Variants in CADPS observed in about 807,000 individuals in gnomAD.
CADPS encodes the protein calcium-dependent secretion activator 1.
In CADPS, 57 loss-of-function variants were observed where a neutral mutation model predicts 167.3. The ratio of observed to expected loss-of-function variants is 0.34; its 90% CI spans 0.28 to 0.42. The LOEUF is 0.42. Ranked by LOEUF, CADPS falls within the 20% of genes least tolerant of loss-of-function variation. The probability of loss-of-function intolerance (pLI) is 1.00; values close to 1 mark genes in which losing one functional copy is unlikely to be tolerated. For synonymous variants in CADPS, 676 were observed against 635.3 expected (o/e 1.06, Z -0.96); for missense variants, 1,414 against 1,738.1 (o/e 0.81, Z 3.32).
intron 3 of CADPS, among the ~76,000 whole-genome samples, chr3:62,718,496 T>C (rs2075116987): frequency 6.6e-6 from 1 of 152,208 alleles, no homozygotes; most frequent in Admixed American, 6.5e-5. Context: ...TCTAAGCTTC[T>C]TGTCTTCTGT....
chr3:62,758,102 C>T (rs747579021), intron 2 of CADPS, among the ~76,000 whole-genome samples: 3 of 152,198 alleles, frequency 2.0e-5, no homozygotes, highest in Non-Finnish European at 4.4e-5. Flanking sequence ...GCTTCACTAG[C>T]CCCTTCCTTT....
intron 16 of CADPS, 147 bp from the exon 17 acceptor site, chr3:62,512,915 G>A (rs932122578): frequency 4.8e-5 from 27 of 557,210 alleles, no homozygotes; most frequent in African/African-American, 1.2e-4. Context: ...GGTTCCCACC[G>A]CCCCAAAGTT....
intron 12 of CADPS, among the ~76,000 whole-genome samples, chr3:62,534,355 G>A (rs900535127): frequency 1.3e-5 from 2 of 152,168 alleles, no homozygotes; most frequent in African/African-American, 4.8e-5. Flanking sequence ...CTCTAATCTT[G>A]TATTAGGGAT....
intron 3 of CADPS, among the ~76,000 whole-genome samples, chr3:62,691,166 G>C (rs1467311843): frequency 5.3e-5 from 8 of 151,970 alleles, no homozygotes; most frequent in Non-Finnish European, 1.0e-4. Context: ...AGTGGTTGAG[G>C]GGGAGGGAGT....
At chr3:62,762,630 T>C (rs941795785) in intron 2 of CADPS, among the ~76,000 whole-genome samples, 1 of 128,464 alleles carries the variant, frequency 7.8e-6, no homozygotes, top group African/African-American at 3.0e-5. Flanking sequence ...CACTCCAGCC[T>C]GGGTAACAGA....
chr3:62,477,238 T>A (rs976574801), intron 23 of CADPS, among the ~76,000 whole-genome samples: 2 of 151,446 alleles, frequency 1.3e-5, no homozygotes, highest in Non-Finnish European at 2.9e-5. Context: ...CCGGCCCCCA[T>A]CACCCACAAT....
At chr3:62,678,878 C>T (rs1263018948) in intron 3 of CADPS, among the ~76,000 whole-genome samples, 2 of 151,980 alleles carry the variant, frequency 1.3e-5, no homozygotes, top group East Asian at 3.9e-4. Flanking sequence ...CCTACTATCC[C>T]CAGTCATCAT....
chr3:62,417,423 T>C (rs2050345736), intron 28 of CADPS, among the ~76,000 whole-genome samples: 1 of 151,662 alleles, frequency 6.6e-6, no homozygotes, highest in South Asian at 2.1e-4. Flanking sequence ...TTGCTGGGAT[T>C]ACAGGTGTGT....
rs528767895 is a variant in CADPS, at chr3:62,760,373, C to G, written c.555+5498G>C. 1.5e-4 allele frequency among the ~76,000 whole-genome samples: 23 copies of G among 152,210 alleles called. No homozygotes were observed. In the East Asian group the frequency reaches 3.7e-3, roughly 24 times the overall value. ...AGTGTGTAACAGGACTAGAACTCAACCCACCTCTGTCGGACACAATTTTTA... is the reference window on the plus strand; with the variant it reads ...AGTGTGTAACAGGACTAGAACTCAAGCCACCTCTGTCGGACACAATTTTTA... On this transcript the variant is annotated intron_variant, in intron 2 of 29. Transcript: ENST00000383710.
chr3:62,513,675 G>C, intron 16 of CADPS: 1 of 1,593,316 alleles, frequency 6.3e-7, no homozygotes, highest in Non-Finnish European at 8.6e-7. Flanking sequence ...CCAAGCAGAA[G>C]ACAGGATGCT....
At chr3:62,558,423 T>A (rs533583574) in intron 9 of CADPS, among the ~76,000 whole-genome samples, 1 of 152,338 alleles carries the variant, frequency 6.6e-6, no homozygotes, top group East Asian at 1.9e-4. Context: ...AAAGCAAGCA[T>A]CCTCCTAGCT....
intron 12 of CADPS, among the ~76,000 whole-genome samples, chr3:62,533,344 G>C (rs1167754442): frequency 6.6e-6 from 1 of 152,132 alleles, no homozygotes; most frequent in African/African-American, 2.4e-5. Context: ...CAGACAGCTT[G>C]GTTCCAGAAA....
chr3:62,507,020 T>A (rs2066811423), intron 17 of CADPS, among the ~76,000 whole-genome samples: 1 of 152,220 alleles, frequency 6.6e-6, no homozygotes. Flanking sequence ...ATTTCCTAGC[T>A]ACATGAACCA....
At chr3:62,760,351 G>A (rs1430900784) in intron 2 of CADPS, among the ~76,000 whole-genome samples, 1 of 152,160 alleles carries the variant, frequency 6.6e-6, no homozygotes, top group Non-Finnish European at 1.5e-5. Context: ...CAGAGTCAGT[G>A]TGTAACAGGA....
At chr3:62,511,818 C>G (rs2067901559) in intron 17 of CADPS, among the ~76,000 whole-genome samples, 1 of 152,050 alleles carries the variant, frequency 6.6e-6, no homozygotes, top group Non-Finnish European at 1.5e-5. Flanking sequence ...TAGCCGTTTC[C>G]CTCTTGTTTA....
At chr3:62,693,493 C>T (rs1182623918) in intron 3 of CADPS, among the ~76,000 whole-genome samples, 1 of 151,976 alleles carries the variant, frequency 6.6e-6, no homozygotes, top group Non-Finnish European at 1.5e-5. Context: ...TTGCCAGGTG[C>T]AGTGGCTCAC....
intron 7 of CADPS, among the ~76,000 whole-genome samples, chr3:62,590,350 G>A (rs1278832515): frequency 6.6e-6 from 1 of 152,044 alleles, no homozygotes; most frequent in Non-Finnish European, 1.5e-5. Context: ...CTGCCTTACT[G>A]GAAAAGGAGA....
Position 62,808,951 on chromosome 3 carries a change from C to T in CADPS, c.442-42967G>A, listed in dbSNP as rs570111269. ...TCCTCCTCCAACTCAATAAACAATA[C>T]CACCATGTACTCAACTGCACAAACC... On this transcript the variant is annotated intron_variant, in intron 1 of 29. Coordinates refer to ENST00000383710, the MANE Select transcript of CADPS (RefSeq NM_003716.4). 2.6e-5 allele frequency among the ~76,000 whole-genome samples: 4 copies of T among 152,276 alleles called. No homozygotes were observed. In the South Asian group the frequency reaches 6.2e-4, roughly 24 times the overall value.
intron 1 of CADPS, among the ~76,000 whole-genome samples, chr3:62,810,382 G>A (rs1350539343): frequency 6.6e-6 from 1 of 152,068 alleles, no homozygotes; most frequent in Admixed American, 6.6e-5. Flanking sequence ...ATTAGTAGTA[G>A]TGGTCATATA....
Sources: allele counts gnomAD v4.1 joint callset (sites outside exome capture counted in the v4.1 genomes callset), GRCh38; gene constraint gnomAD v4.1.1; transcripts MANE v1.5; gene names NCBI Gene and HGNC (gene_info 2026-07-23, HGNC 2026-07-21).